The following KCNQ3 variants were observed in gnomAD, a reference collection of about 807,000 sequenced individuals.
The protein encoded by KCNQ3 is potassium voltage-gated channel subfamily KQT member 3.
KCNQ3 carries 30 observed loss-of-function variants against 92.5 expected under a neutral mutation model. That is an observed-to-expected ratio of 0.32 (90% CI 0.24 to 0.44). The LOEUF is 0.44. Ranked by LOEUF, KCNQ3 falls within the 20% of genes least tolerant of loss-of-function variation. KCNQ3 has a pLI of 1.00. For synonymous variants in KCNQ3, 450 were observed against 468.8 expected (o/e 0.96, Z 0.52); for missense variants, 913 against 1,140.3 (o/e 0.80, Z 2.87).
intron 8 of KCNQ3, among the ~76,000 whole-genome samples, chr8:132,165,858 T>C (rs1170362958): frequency 6.6e-6 from 1 of 152,208 alleles, no homozygotes; most frequent in African/African-American, 2.4e-5. Flanking sequence ...TTATGAAAAA[T>C]GGAGTTACCC....
intron 1 of KCNQ3, among the ~76,000 whole-genome samples, chr8:132,209,339 A>C (rs1291487685): frequency 6.6e-6 from 1 of 152,072 alleles, no homozygotes; most frequent in Non-Finnish European, 1.5e-5. Context: ...TTGTCAGAGT[A>C]CTTGGAGAAG....
At chr8:132,189,888 C>CAAAAAAAAAAAAAA (rs776683880) in intron 1 of KCNQ3, among the ~76,000 whole-genome samples, 3 of 64,074 alleles carry the variant, frequency 4.7e-5, no homozygotes, top group African/African-American at 7.9e-5. Context: ...TAAAAATGAC[C>CAAAAAAAAAAAAAA]AAAAAAAAAA....
intron 1 of KCNQ3, among the ~76,000 whole-genome samples, chr8:132,399,088 G>A (rs1234545134): frequency 6.6e-6 from 1 of 152,188 alleles, no homozygotes; most frequent in Non-Finnish European, 1.5e-5. Context: ...CTTCATCCCA[G>A]AATGCACATC....
intron 1 of KCNQ3, among the ~76,000 whole-genome samples, chr8:132,426,678 G>A (rs1416117751): frequency 6.6e-6 from 1 of 152,162 alleles, no homozygotes; most frequent in Non-Finnish European, 1.5e-5. Flanking sequence ...TATGAACTTT[G>A]CCATTCTCTG....
intron 1 of KCNQ3, among the ~76,000 whole-genome samples, chr8:132,322,896 T>A (rs758724188): frequency 7.2e-5 from 11 of 152,112 alleles, no homozygotes; most frequent in Non-Finnish European, 1.6e-4. Flanking sequence ...TAATTACATT[T>A]CCCCATGCAG....
At chr8:132,459,256 T>G (rs1198335355) in intron 1 of KCNQ3, among the ~76,000 whole-genome samples, 2 of 152,216 alleles carry the variant, frequency 1.3e-5, no homozygotes, top group African/African-American at 4.8e-5. Flanking sequence ...TTAACCTGGA[T>G]CACCTGGTGT....
At chr8:132,478,961 C>T (rs1822475068) in intron 1 of KCNQ3, among the ~76,000 whole-genome samples, 1 of 144,046 alleles carries the variant, frequency 6.9e-6, no homozygotes, top group African/African-American at 2.6e-5. Flanking sequence ...CACTGCTAAA[C>T]GCGTGGGGGA....
chr8:132,159,008 C>A (rs1825896944), intron 9 of KCNQ3, among the ~76,000 whole-genome samples: 1 of 152,144 alleles, frequency 6.6e-6, no homozygotes, highest in African/African-American at 2.4e-5. Flanking sequence ...GAGTGAACCA[C>A]TGGGCTCAGG....
At chr8:132,288,608 C>T (rs1400002798) in intron 1 of KCNQ3, among the ~76,000 whole-genome samples, 1 of 152,174 alleles carries the variant, frequency 6.6e-6, no homozygotes, top group African/African-American at 2.4e-5. Flanking sequence ...TTCTGACTCT[C>T]TGGCATTGTA....
intron 1 of KCNQ3, among the ~76,000 whole-genome samples, chr8:132,454,876 T>C (rs1821903802): frequency 6.6e-6 from 1 of 152,168 alleles, no homozygotes; most frequent in Non-Finnish European, 1.5e-5. Context: ...TGACACATGA[T>C]GCAATAGGGA....
intron 1 of KCNQ3, among the ~76,000 whole-genome samples, chr8:132,204,661 C>G (rs946202545): frequency 3.3e-5 from 5 of 152,240 alleles, no homozygotes; most frequent in African/African-American, 1.2e-4. Flanking sequence ...GAAGGATCTT[C>G]TCAGGAGTCA....
chr8:132,391,277 C>T (rs1820040736), intron 1 of KCNQ3, among the ~76,000 whole-genome samples: 1 of 152,164 alleles, frequency 6.6e-6, no homozygotes, highest in African/African-American at 2.4e-5. Flanking sequence ...GAGCTTAAAA[C>T]TTCATTCCAC....
chr8:132,210,228 G>T (rs1274503373), intron 1 of KCNQ3, among the ~76,000 whole-genome samples: 1 of 152,132 alleles, frequency 6.6e-6, no homozygotes, highest in Non-Finnish European at 1.5e-5. Flanking sequence ...GTGCAGTCAG[G>T]GTTAAAAGTC....
intron 1 of KCNQ3, among the ~76,000 whole-genome samples, chr8:132,285,717 T>A (rs1298607222): frequency 2.0e-5 from 3 of 152,296 alleles, no homozygotes; most frequent in East Asian, 1.9e-4. Flanking sequence ...TAGGTAATAC[T>A]CATCAAAACT....
At chr8:132,300,693 A>G (rs1443667219) in intron 1 of KCNQ3, among the ~76,000 whole-genome samples, 1 of 152,208 alleles carries the variant, frequency 6.6e-6, no homozygotes, top group East Asian at 1.9e-4. Context: ...AACATGCACT[A>G]AAACAGAACC....
chr8:132,353,114 T>TACTC (rs1818922132), intron 1 of KCNQ3, among the ~76,000 whole-genome samples: 1 of 152,088 alleles, frequency 6.6e-6, no homozygotes, highest in South Asian at 2.1e-4. Flanking sequence ...TAATCCTAGC[T>TACTC]ACTCAGGAGG....
chr8:132,223,701 G>C (rs751610795), intron 1 of KCNQ3, among the ~76,000 whole-genome samples: 1 of 152,102 alleles, frequency 6.6e-6, no homozygotes. Context: ...TATGCGTGGA[G>C]TATGGTTGGA....
intron 1 of KCNQ3, among the ~76,000 whole-genome samples, chr8:132,344,309 A>G (rs1158430335): frequency 6.6e-6 from 1 of 152,222 alleles, no homozygotes; most frequent in African/African-American, 2.4e-5. Context: ...TAAATGCATC[A>G]TATTCAAAGA....
chr8:132,201,884 G>T (rs1030697578), intron 1 of KCNQ3, among the ~76,000 whole-genome samples: 10 of 152,182 alleles, frequency 6.6e-5, no homozygotes, highest in African/African-American at 2.4e-4. Context: ...ACAAGTCTCT[G>T]CCCGGGCCCC....
Sources: gnomAD v4.1 joint callset for allele counts (sites outside exome capture counted in the v4.1 genomes callset) on GRCh38, gnomAD v4.1.1 for gene constraint, MANE v1.5 for transcripts, NCBI Gene and HGNC (gene_info 2026-07-23, HGNC 2026-07-21) for gene names.